PDCD1LG2: variants seen among roughly 807,000 people sequenced by gnomAD.
The protein encoded by PDCD1LG2 is programmed cell death 1 ligand 2, also known as B7 dendritic cell molecule.
Under a neutral mutation model 28.2 loss-of-function variants are expected in PDCD1LG2, and 32 were observed. That is an observed-to-expected ratio of 1.13 (90% CI 0.86 to 1.52). PDCD1LG2 has a LOEUF of 1.52. Ranked by LOEUF, PDCD1LG2 falls within the 40% of genes most tolerant of loss-of-function variation. PDCD1LG2 has a pLI of 0.00. For synonymous variants in PDCD1LG2, 116 were observed against 120.2 expected (o/e 0.97, Z 0.23); for missense variants, 385 against 323.8 (o/e 1.19, Z -1.45).
At chr9:5,552,971 G>A (rs540832614) in intron 4 of PDCD1LG2, among the ~76,000 whole-genome samples, 1 of 152,172 alleles carries the variant, frequency 6.6e-6, no homozygotes, top group Non-Finnish European at 1.5e-5. Context: ...GCTGGGCATG[G>A]TGGTTCTTGT....
intron 6 of PDCD1LG2, 34 bp downstream of exon 6, chr9:5,563,245 CTTTCT>C: frequency 6.4e-7 from 1 of 1,560,346 alleles, no homozygotes; most frequent in Non-Finnish European, 8.8e-7. Flanking sequence ...TTCTTTCTTA[CTTTCT>C]TTTCTCTCTC....
chr9:5,561,646 C>T (rs1226871385), intron 5 of PDCD1LG2, among the ~76,000 whole-genome samples: 3 of 152,234 alleles, frequency 2.0e-5, no homozygotes, highest in Non-Finnish European at 1.5e-5. Flanking sequence ...CAGCAGAAGT[C>T]ACCAGCTACA....
At chr9:5,512,659 T>G (rs941693626) in intron 1 of PDCD1LG2, among the ~76,000 whole-genome samples, 2 of 152,216 alleles carry the variant, frequency 1.3e-5, no homozygotes, top group Non-Finnish European at 2.9e-5. Flanking sequence ...ATTTCCATAT[T>G]AGAAATAACT....
chr9:5,534,950 C>G lies in PDCD1LG2; in HGVS notation c.261C>G (p.Phe87Leu), dbSNP rs764053409. The G allele has an allele frequency of 1.2e-6, 2 of 1,614,098 alleles. No individual in the cohort carries two copies. The highest frequency in any genetic ancestry group is 1.7e-6 in the Non-Finnish European group (2 of 1,180,020). ...AGCTGCCCCTAGGGAAGGCCTCGTT[C>G]CACATACCTCAAGTCCAAGTGAGGG... ...EEQLPLGKAS[F>L]HIPQVQVRDE... The change falls in exon 3 of 7, where the codon TTC becomes TTG. Residue 87 changes from phenylalanine to leucine, a missense_variant. Phe to Leu is a conservative substitution (Grantham distance 22). Coordinates refer to ENST00000397747, the MANE Select transcript of PDCD1LG2 (RefSeq NM_025239.4).
intron 4 of PDCD1LG2, 52 bp from the exon 5 acceptor site, chr9:5,557,566 T>A (rs2129919770): frequency 1.2e-6 from 2 of 1,604,478 alleles, no homozygotes; most frequent in Non-Finnish European, 8.5e-7. Flanking sequence ...AGCCTGTTGG[T>A]CTACCTCTTA....
At chr9:5,523,444 A>G (rs1171815423) in intron 2 of PDCD1LG2, among the ~76,000 whole-genome samples, 2 of 152,154 alleles carry the variant, frequency 1.3e-5, no homozygotes, top group East Asian at 3.9e-4. Context: ...TAACCTTTCG[A>G]AGAGCTTTCT....
intron 3 of PDCD1LG2, among the ~76,000 whole-genome samples, chr9:5,544,740 GCC>G (rs879346092): frequency 0.32 from 47,823 of 151,738 alleles, 7,780 homozygotes; most frequent in African/African-American, 0.4. Flanking sequence ...CTGGCTGATG[GCC>G]TCAGTCAACT....
At chr9:5,551,016 G>A (rs1490767133) in intron 4 of PDCD1LG2, among the ~76,000 whole-genome samples, 1 of 152,098 alleles carries the variant, frequency 6.6e-6, no homozygotes, top group Non-Finnish European at 1.5e-5. Flanking sequence ...TAACTAGCTT[G>A]CTTCTCTTTG....
intron 5 of PDCD1LG2, among the ~76,000 whole-genome samples, chr9:5,562,836 A>C (rs868288346): frequency 6.6e-5 from 10 of 152,234 alleles, no homozygotes; most frequent in South Asian, 2.1e-4. Context: ...AGTAGCAGTC[A>C]AGACTAAAGC....
chr9:5,513,175 A>G (rs1563818283), intron 1 of PDCD1LG2, among the ~76,000 whole-genome samples: 1 of 152,364 alleles, frequency 6.6e-6, no homozygotes, highest in East Asian at 1.9e-4. Flanking sequence ...TCTGCCTGGC[A>G]TTAAGCTCTT....
chr9:5,551,294 G>A (rs904740857), intron 4 of PDCD1LG2, among the ~76,000 whole-genome samples: 1 of 152,154 alleles, frequency 6.6e-6, no homozygotes, highest in Non-Finnish European at 1.5e-5. Context: ...TATTGTCATT[G>A]TATTTCACAG....
rs567789210 is a variant in PDCD1LG2 at position 5,542,168 on chromosome 9, T to TA, written c.361+7124dup. Among the ~76,000 whole-genome samples, 49 of 152,190 alleles carry TA rather than the reference T, an allele frequency of 3.2e-4. No homozygotes were observed. The South Asian group carries it at 9.1e-3, about 28-fold the overall frequency. On this transcript the variant is annotated intron_variant, in intron 3 of 6. Coordinates refer to ENST00000397747, the MANE Select transcript of PDCD1LG2 (RefSeq NM_025239.4). ...AACTGGATCCTCATATCTTACCTTA[T>TA]AAAAAATCAACTCAAGATGGATCAA...
At chr9:5,565,819 G>C (rs1450554489) in intron 6 of PDCD1LG2, among the ~76,000 whole-genome samples, 1 of 151,856 alleles carries the variant, frequency 6.6e-6, no homozygotes, top group Non-Finnish European at 1.5e-5. Flanking sequence ...AATAAATTTT[G>C]TTTAATTTTA....
intron 2 of PDCD1LG2, among the ~76,000 whole-genome samples, chr9:5,523,434 T>A (rs1233543114): frequency 1.3e-5 from 2 of 152,224 alleles, no homozygotes; most frequent in Non-Finnish European, 2.9e-5. Flanking sequence ...TGGCACTTGA[T>A]AACCTTTCGA....
At chr9:5,515,408 C>G (rs979264694) in intron 1 of PDCD1LG2, among the ~76,000 whole-genome samples, 1 of 152,188 alleles carries the variant, frequency 6.6e-6, no homozygotes, top group Non-Finnish European at 1.5e-5. Flanking sequence ...GTCCACCATT[C>G]GGCAGGTCCT....
At chr9:5,565,832 TGA>T (rs1356383937) in intron 6 of PDCD1LG2, among the ~76,000 whole-genome samples, 1 of 152,088 alleles carries the variant, frequency 6.6e-6, no homozygotes, top group Admixed American at 6.5e-5. Context: ...TAATTTTAGT[TGA>T]GTCTATCAAC....
At chr9:5,536,235 T>C (rs2129804194) in intron 3 of PDCD1LG2, among the ~76,000 whole-genome samples, 1 of 152,294 alleles carries the variant, frequency 6.6e-6, no homozygotes, top group East Asian at 1.9e-4. Context: ...CGAACAATAG[T>C]AGTACCAAAC....
chr9:5,511,101 TAG>T (rs1355120237), intron 1 of PDCD1LG2, among the ~76,000 whole-genome samples: 7 of 152,362 alleles, frequency 4.6e-5, no homozygotes, highest in African/African-American at 1.4e-4. Flanking sequence ...TCTCTCAGCT[TAG>T]AGTTTTCGGA....
At chr9:5,532,534 C>G (rs1169682026) in intron 2 of PDCD1LG2, among the ~76,000 whole-genome samples, 1 of 152,178 alleles carries the variant, frequency 6.6e-6, no homozygotes, top group Non-Finnish European at 1.5e-5. Flanking sequence ...AAGCTCTTAA[C>G]TAGAACTTGC....
Sources: gnomAD v4.1 joint callset for allele counts (sites outside exome capture counted in the v4.1 genomes callset) on GRCh38, gnomAD v4.1.1 for gene constraint, MANE v1.5 for transcripts, NCBI Gene and HGNC (gene_info 2026-07-23, HGNC 2026-07-21) for gene names.